NCK2: variants seen among roughly 807,000 people sequenced by gnomAD.
NCK2 encodes cytoplasmic protein NCK2.
Under a neutral mutation model 33.9 loss-of-function variants are expected in NCK2, and 16 were observed. The ratio of observed to expected loss-of-function variants is 0.47; its 90% confidence interval spans 0.32 to 0.72. NCK2 has a LOEUF of 0.72. NCK2 is among the 30% of genes least tolerant of loss of function. The probability of loss-of-function intolerance (pLI) is 0.03; values close to 1 mark genes in which losing one functional copy is unlikely to be tolerated. For missense variants in NCK2, 418 were observed against 537.3 expected (o/e 0.78, Z 2.19); for synonymous variants, 273 against 239.9 (o/e 1.14, Z -1.27).
intron 1 of NCK2, among the ~76,000 whole-genome samples, chr2:105,761,259 T>TG (rs1490814457): frequency 6.6e-6 from 1 of 152,050 alleles, no homozygotes; most frequent in East Asian, 1.9e-4. Flanking sequence ...GAAGCTGGCG[T>TG]GGGGAGGGTC....
chr2:105,828,589 G>C (rs999853120), intron 2 of NCK2, among the ~76,000 whole-genome samples: 4 of 152,184 alleles, frequency 2.6e-5, no homozygotes, highest in African/African-American at 9.7e-5. Flanking sequence ...AATCATGGCA[G>C]CTACTGCAAA....
intron 2 of NCK2, among the ~76,000 whole-genome samples, chr2:105,826,136 CT>C (rs1338031798): frequency 6.6e-6 from 1 of 152,158 alleles, no homozygotes; most frequent in African/African-American, 2.4e-5. Context: ...ACTGGGAGGC[CT>C]CAGGAAACTT....
At chr2:105,892,665 G>T (rs1679035723) in intron 4 of NCK2, among the ~76,000 whole-genome samples, 1 of 152,064 alleles carries the variant, frequency 6.6e-6, no homozygotes. Flanking sequence ...GGCCAACATG[G>T]CGAAACCCTG....
chr2:105,774,374 A>G (rs570004389), intron 1 of NCK2, among the ~76,000 whole-genome samples: 1 of 152,198 alleles, frequency 6.6e-6, no homozygotes, highest in South Asian at 2.1e-4. Context: ...GAGCCCTTAC[A>G]GCAAGCCTTA....
intron 3 of NCK2, among the ~76,000 whole-genome samples, chr2:105,879,016 A>G (rs1573240435): frequency 6.6e-6 from 1 of 152,212 alleles, no homozygotes; most frequent in East Asian, 1.9e-4. Context: ...AAAGTAGAAT[A>G]TTCGTCTATC....
intron 2 of NCK2, among the ~76,000 whole-genome samples, chr2:105,843,197 ACCTT>A (rs1676716370): frequency 6.6e-6 from 1 of 152,066 alleles, no homozygotes; most frequent in Admixed American, 6.5e-5. Flanking sequence ...TTTCATATAT[ACCTT>A]ATTTATGTTT....
chr2:105,831,137 TA>T (rs1676169747), intron 2 of NCK2, among the ~76,000 whole-genome samples: 1 of 152,178 alleles, frequency 6.6e-6, no homozygotes, highest in African/African-American at 2.4e-5. Context: ...GTCTTAACTA[TA>T]AAATGAAAAG....
intron 1 of NCK2, among the ~76,000 whole-genome samples, chr2:105,790,423 G>T (rs553314779): frequency 6.6e-6 from 1 of 152,342 alleles, no homozygotes; most frequent in African/African-American, 2.4e-5. Flanking sequence ...CTATGCCTGG[G>T]CAGCAGGAGA....
chr2:105,827,071 C>G (rs1206037714), intron 2 of NCK2, among the ~76,000 whole-genome samples: 1 of 151,970 alleles, frequency 6.6e-6, no homozygotes, highest in African/African-American at 2.4e-5. Flanking sequence ...ACGATCTCGG[C>G]TCACTGCAAG....
intron 4 of NCK2, 121 bp downstream of exon 4, chr2:105,882,170 G>T (rs1678531993): frequency 8.6e-7 from 1 of 1,156,748 alleles, no homozygotes; most frequent in African/African-American, 1.6e-5. Flanking sequence ...AGACGCAGAT[G>T]AATGCAATTT....
chr2:105,802,083 G>A (rs1008380416), intron 1 of NCK2, among the ~76,000 whole-genome samples: 1 of 152,204 alleles, frequency 6.6e-6, no homozygotes, highest in Admixed American at 6.5e-5. Context: ...TGGATGAAGA[G>A]CTGGAAACCT....
intron 1 of NCK2, among the ~76,000 whole-genome samples, chr2:105,804,394 G>T (rs1674952019): frequency 6.6e-6 from 1 of 152,222 alleles, no homozygotes; most frequent in African/African-American, 2.4e-5. Flanking sequence ...TTTGTGCCCA[G>T]TTAAAAGGCT....
At chr2:105,757,094 C>T (rs907919898) in intron 1 of NCK2, among the ~76,000 whole-genome samples, 5 of 152,136 alleles carry the variant, frequency 3.3e-5, no homozygotes, top group Non-Finnish European at 5.9e-5. Context: ...TGTGAGCCAC[C>T]GCGCCTGGCC....
intron 1 of NCK2, among the ~76,000 whole-genome samples, chr2:105,769,110 G>A (rs999529032): frequency 6.6e-6 from 1 of 152,202 alleles, no homozygotes; most frequent in Non-Finnish European, 1.5e-5. Flanking sequence ...ATTAGCATAA[G>A]CTCAGGTGTG....
At chr2:105,880,936 A>ATTTTTTTTTT (rs59005322) in intron 3 of NCK2, among the ~76,000 whole-genome samples, 12 of 103,538 alleles carry the variant, frequency 1.2e-4, no homozygotes, top group South Asian at 3.3e-4. Context: ...CAGGTGGCTA[A>ATTTTTTTTTT]TTTTTTTTTT....
chr2:105,892,946 T>C, intron 4 of NCK2, 36 bp from the exon 5 acceptor site: 1 of 1,568,170 alleles, frequency 6.4e-7, no homozygotes, highest in Middle Eastern at 1.7e-4. Flanking sequence ...CTCCCCGCTG[T>C]GGCCCGGCTG....
At chr2:105,826,752 C>T (rs1295774501) in intron 2 of NCK2, among the ~76,000 whole-genome samples, 5 of 152,050 alleles carry the variant, frequency 3.3e-5, no homozygotes, top group African/African-American at 1.2e-4. Context: ...TGAGCAGCTT[C>T]CCTAGCTCCT....
rs1553458549 is a variant in NCK2 at position 105,835,376 on chromosome 2, C to CAT, written c.-17+18771_-17+18772dup. On this transcript the variant is annotated intron_variant, in intron 2 of 4. Coordinates refer to ENST00000233154, the MANE Select transcript of NCK2 (RefSeq NM_003581.5). ...TCTTGGCTGGTTTTATATATATATACATATATATACACATATATATATATA... is the reference window on the plus strand; with the variant it reads ...TCTTGGCTGGTTTTATATATATATACATATATATATACACATATATATATATA... 9.3e-4 allele frequency among the ~76,000 whole-genome samples: 12 copies of CAT among 12,952 alleles called. No individual in the cohort carries two copies. In the East Asian group the frequency reaches 0.014, roughly 15 times the overall value. 8.5% of individuals were successfully genotyped at this position (12,952 alleles called of 152,430 possible).
chr2:105,797,839 A>T (rs995847905), intron 1 of NCK2, among the ~76,000 whole-genome samples: 7 of 152,202 alleles, frequency 4.6e-5, no homozygotes, highest in African/African-American at 1.7e-4. Flanking sequence ...CACAGAAAAA[A>T]AACCCTTTCA....
Sources: gnomAD v4.1 joint callset for allele counts (sites outside exome capture counted in the v4.1 genomes callset) on GRCh38, gnomAD v4.1.1 for gene constraint, MANE v1.5 for transcripts, NCBI Gene and HGNC (gene_info 2026-07-23, HGNC 2026-07-21) for gene names.